The following MORF4L1 variants were observed in gnomAD, a reference collection of about 807,000 sequenced individuals.
MORF4L1 encodes the protein mortality factor 4 like 1.
Under a neutral mutation model 52.9 loss-of-function variants are expected in MORF4L1, and 4 were observed. That is an observed-to-expected ratio of 0.08 (90% CI 0.04 to 0.17). The LOEUF (loss-of-function observed/expected upper bound fraction) is 0.17. Ranked by LOEUF, MORF4L1 falls within the 10% of genes least tolerant of loss-of-function variation. The probability of loss-of-function intolerance (pLI) is 1.00; values close to 1 mark genes in which losing one functional copy is unlikely to be tolerated. For synonymous variants in MORF4L1, 123 were observed against 134.8 expected (o/e 0.91, Z 0.61); for missense variants, 214 against 390.4 (o/e 0.55, Z 3.81).
intron 3 of MORF4L1, among the ~76,000 whole-genome samples, chr15:78,882,967 C>A (rs1256667088): frequency 2.6e-5 from 4 of 152,140 alleles, no homozygotes; most frequent in Non-Finnish European, 1.5e-5. Context: ...GTAATCTCAA[C>A]ACTTTGGGAG....
intron 1 of MORF4L1, among the ~76,000 whole-genome samples, chr15:78,877,246 G>A (rs559415871): frequency 2.7e-4 from 41 of 149,754 alleles, no homozygotes; most frequent in African/African-American, 8.6e-4. Flanking sequence ...TCAGCCTCCC[G>A]AATAGCTGGG....
At chr15:78,879,428 A>G (rs199841202) in intron 2 of MORF4L1, among the ~76,000 whole-genome samples, 1 of 151,890 alleles carries the variant, frequency 6.6e-6, no homozygotes, top group Admixed American at 6.6e-5. Flanking sequence ...CACCATGTTG[A>G]CCAGGCTGGT....
intron 3 of MORF4L1, among the ~76,000 whole-genome samples, chr15:78,883,932 G>A (rs758676923): frequency 2.0e-5 from 3 of 152,168 alleles, no homozygotes; most frequent in Non-Finnish European, 2.9e-5. Context: ...TGGGCCAGGC[G>A]CGGTGGCTCA....
At position 78,897,731 on chromosome 15, in the gene MORF4L1, A is replaced by G. The variant is rs1473003637; in HGVS notation, c.*664A>G. The G allele has an allele frequency of 2.6e-5, 4 of 152,670 alleles. No individual in the cohort carries two copies. Among genetic ancestry groups the G allele is most frequent in the Non-Finnish European group, 5.9e-5 (4 of 68,058 alleles). 9.5% of individuals were successfully genotyped at this position (152,670 alleles called of 1,614,324 possible). On this transcript the variant is annotated 3_prime_UTR_variant, in exon 12 of 12. Coordinates refer to ENST00000426013, the MANE Select transcript of MORF4L1 (RefSeq NM_006791.4). ...TCAATAAATTTTTTCTTTAAATTTC[A>G]AAGAACAATGTGCTTGTGTTGATGC...
intron 3 of MORF4L1, among the ~76,000 whole-genome samples, chr15:78,882,078 AATGTGG>A (rs2056612651): frequency 6.6e-6 from 1 of 152,206 alleles, no homozygotes; most frequent in African/African-American, 2.4e-5. Context: ...CATTAATATA[AATGTGG>A]AAAGGTAGAA....
intron 2 of MORF4L1, among the ~76,000 whole-genome samples, chr15:78,880,229 A>G (rs896813993): frequency 3.3e-5 from 5 of 152,236 alleles, no homozygotes; most frequent in African/African-American, 1.2e-4. Context: ...GATTAGACTG[A>G]GAAGACACAA....
rs558493681 is a variant in MORF4L1 at position 78,873,410 on chromosome 15, T to TGGC, written c.40+359_40+361dup. On this transcript the variant is annotated intron_variant, in intron 1 of 11. Coordinates refer to ENST00000426013, the MANE Select transcript of MORF4L1 (RefSeq NM_006791.4). The stretch of plus-strand genomic sequence containing the variant: ...ATGGCGGCGGTTAGGGGAAGTGATG[T>TGGC]GGCGGCGGGGGGGGAGGGGCGGTGG... Among the ~76,000 whole-genome samples, 512 of 101,364 alleles carry TGGC rather than the reference T, an allele frequency of 5.1e-3. 2 individuals are homozygous for TGGC. Among genetic ancestry groups the TGGC allele is most frequent in the African/African-American group, 0.012 (311 of 26,590 alleles). The allele number at this position is 101,364 out of a possible 152,430, so 66.5% of individuals were successfully genotyped here. A position where few individuals can be genotyped will look rare whatever the true frequency, so the allele number is the denominator to read the frequency against.
At chr15:78,879,006 T>C (rs973449548) in intron 2 of MORF4L1, among the ~76,000 whole-genome samples, 1 of 151,970 alleles carries the variant, frequency 6.6e-6, no homozygotes, top group Non-Finnish European at 1.5e-5. Flanking sequence ...GTCAGACATT[T>C]CTGACTAAAT....
At chr15:78,878,154 T>C (rs2056531373) in intron 1 of MORF4L1, 59 bp from the exon 2 acceptor site, 1 of 1,522,884 alleles carries the variant, frequency 6.6e-7, no homozygotes. Flanking sequence ...CTCTCTAAGA[T>C]GTTAATCTTT....
At chr15:78,896,308 CTTTTTTT>C (rs71148578) in intron 11 of MORF4L1, among the ~76,000 whole-genome samples, 15 of 81,446 alleles carry the variant, frequency 1.8e-4, no homozygotes, top group African/African-American at 3.5e-4. Context: ...CTTTTCTTTT[CTTTTTTT>C]TTTTTTTTTT....
intron 3 of MORF4L1, among the ~76,000 whole-genome samples, chr15:78,884,118 T>G (rs8027635): frequency 0.13 from 19,653 of 150,802 alleles, 1,348 homozygotes; most frequent in East Asian, 0.26. Flanking sequence ...GCAGGAGAAC[T>G]GCTTGAACCT....
At chr15:78,874,930 C>A (rs1055420514) in intron 1 of MORF4L1, among the ~76,000 whole-genome samples, 9 of 151,768 alleles carry the variant, frequency 5.9e-5, no homozygotes, top group African/African-American at 2.2e-4. Flanking sequence ...TAATTGCTCC[C>A]CCTAAACCCC....
In MORF4L1 at chr15:78,880,916, T is replaced by C. The variant is rs565966437; in HGVS notation, c.155+337T>C. 4.8e-3 allele frequency among the ~76,000 whole-genome samples: 725 copies of C among 151,320 alleles called. 7 individuals carry two copies. Among genetic ancestry groups the C allele is most frequent in the Non-Finnish European group, 4.0e-3 (269 of 67,880 alleles). On this transcript the variant is annotated intron_variant, in intron 3 of 11. Transcript: ENST00000426013. Reference sequence around the variant, plus strand: ...TGGTACATTTTTAGGATGGCCTGAATTATTTGGCCTTACCACAAACATGTT... The same window carrying C: ...TGGTACATTTTTAGGATGGCCTGAACTATTTGGCCTTACCACAAACATGTT...
intron 2 of MORF4L1, 37 bp downstream of exon 2, chr15:78,878,296 A>G: frequency 6.3e-7 from 1 of 1,591,124 alleles, no homozygotes; most frequent in African/African-American, 1.3e-5. Flanking sequence ...GTTGGCCAAA[A>G]CTACTGGTTA....
rs1309334780 is a variant in MORF4L1, at chr15:78,897,693, GTT to G, written c.*630_*631del. 1 of 152,586 alleles carries G rather than the reference GTT, an allele frequency of 6.6e-6. No individual in the cohort carries two copies. The highest frequency in any genetic ancestry group is 2.4e-5 in the African/African-American group (1 of 41,446). The allele number at this position is 152,586 out of a possible 1,614,324, so 9.5% of individuals were successfully genotyped here. A position where few individuals can be genotyped will look rare whatever the true frequency, so the allele number is the denominator to read the frequency against. On this transcript the variant is annotated 3_prime_UTR_variant, in exon 12 of 12. Transcript: ENST00000426013. ...TGGAAAAGTCAATCTTTTAGGAATT[GTT>G]TTTCAGATCTTCAATAAATTTTTTC...
In MORF4L1 at chr15:78,896,308, C is replaced by CTTTTTTTTTTTTTTTTTTTT. The variant is rs71148578; in HGVS notation, c.888-671_888-652dup. Among the ~76,000 whole-genome samples, 10 of 81,448 alleles carry CTTTTTTTTTTTTTTTTTTTT rather than the reference C, an allele frequency of 1.2e-4. No individual in the cohort carries two copies. The East Asian group carries it at 1.5e-3, about 12-fold the overall frequency. The allele number at this position is 81,448 out of a possible 152,430, so 53.4% of individuals were successfully genotyped here. On this transcript the variant is annotated intron_variant, in intron 11 of 11. Transcript: ENST00000426013. ...ATTTTTTTCTTTTTTCTTTTCTTTT[C>CTTTTTTTTTTTTTTTTTTTT]TTTTTTTTTTTTTTTTTTTTTTTGA...
At chr15:78,878,307 G>C in intron 2 of MORF4L1, 48 bp downstream of exon 2, 2 of 1,557,402 alleles carry the variant, frequency 1.3e-6, no homozygotes, top group Non-Finnish European at 1.8e-6. Context: ...CTACTGGTTA[G>C]ATCTGGCCAT....
At chr15:78,881,780 G>C (rs543428592) in intron 3 of MORF4L1, among the ~76,000 whole-genome samples, 1 of 152,310 alleles carries the variant, frequency 6.6e-6, no homozygotes, top group African/African-American at 2.4e-5. Context: ...TTGCTATTTA[G>C]TATTGTTCTT....
intron 4 of MORF4L1, among the ~76,000 whole-genome samples, chr15:78,886,648 T>C (rs1192378384): frequency 6.6e-6 from 1 of 152,134 alleles, no homozygotes; most frequent in African/African-American, 2.4e-5. Context: ...AAAGTTGAAA[T>C]GTATTTTTAA....
Sources: gnomAD v4.1 joint callset for allele counts (sites outside exome capture counted in the v4.1 genomes callset) on GRCh38, gnomAD v4.1.1 for gene constraint, MANE v1.5 for transcripts, NCBI Gene and HGNC (gene_info 2026-07-23, HGNC 2026-07-21) for gene names.